Variants in PLA2G4C observed in about 807,000 individuals in gnomAD.
The protein encoded by PLA2G4C is phospholipase A2 group IVC, also known as cytosolic phospholipase A2 gamma.
A neutral mutation model predicts 73.8 loss-of-function variants in PLA2G4C; 64 were observed. That is an observed-to-expected ratio of 0.87 (90% CI 0.71 to 1.07). PLA2G4C has a LOEUF of 1.07. Ranked by LOEUF, PLA2G4C falls within the 50% of genes least tolerant of loss-of-function variation. The pLI is 0.00. For synonymous variants in PLA2G4C, 254 were observed against 252.1 expected, an observed-to-expected ratio of 1.01 and a Z score of -0.07; for missense variants, 622 against 665.4, an observed-to-expected ratio of 0.93 and a Z score of 0.72.
chr19:48,073,307 C>T (rs2029918804), intron 12 of PLA2G4C, among the ~76,000 whole-genome samples: 1 of 152,090 alleles, frequency 6.6e-6, no homozygotes. Context: ...GCCTCAGCCT[C>T]CCAAAGTGCT....
chr19:48,106,137 C>T (rs919423631), intron 2 of PLA2G4C, among the ~76,000 whole-genome samples: 1 of 150,238 alleles, frequency 6.7e-6, no homozygotes, highest in African/African-American at 2.5e-5. Flanking sequence ...ACCACCAGTG[C>T]GGTGGTGCAA....
chr19:48,075,794 T>C (rs894133467), intron 11 of PLA2G4C, among the ~76,000 whole-genome samples: 3 of 152,188 alleles, frequency 2.0e-5, no homozygotes, highest in Non-Finnish European at 4.4e-5. Context: ...TTTGTTGTTG[T>C]TGTTGTTGAG....
intron 12 of PLA2G4C, among the ~76,000 whole-genome samples, chr19:48,068,508 C>A (rs1296435405): frequency 6.6e-6 from 1 of 151,496 alleles, no homozygotes; most frequent in Non-Finnish European, 1.5e-5. Flanking sequence ...GAGAGCGAGA[C>A]CACATCTTTA....
intron 13 of PLA2G4C, 129 bp from the exon 14 acceptor site, chr19:48,062,281 A>G (rs1175739062): frequency 2.7e-6 from 2 of 743,948 alleles, no homozygotes; most frequent in African/African-American, 1.8e-5. Flanking sequence ...GAGGTTGCCA[A>G]CTAGGAGCTG....
At chr19:48,068,557 T>C (rs1010452897) in intron 12 of PLA2G4C, among the ~76,000 whole-genome samples, 3 of 151,702 alleles carry the variant, frequency 2.0e-5, no homozygotes, top group African/African-American at 4.8e-5. Context: ...CTGGGCATAT[T>C]AATGCATGCC....
intron 5 of PLA2G4C, among the ~76,000 whole-genome samples, chr19:48,099,115 A>C (rs972496761): frequency 1.3e-5 from 2 of 151,362 alleles, no homozygotes; most frequent in African/African-American, 2.4e-5. Flanking sequence ...AAAATAATTA[A>C]AAATTAGCCA....
At chr19:48,103,123 T>G (rs2122695694) in intron 4 of PLA2G4C, among the ~76,000 whole-genome samples, 1 of 152,246 alleles carries the variant, frequency 6.6e-6, no homozygotes, top group South Asian at 2.1e-4. Context: ...TCCTCCCACC[T>G]CGACCTCCCA....
rs1968642678 is a variant in PLA2G4C at position 48,071,174 on chromosome 19, A to T, written c.1007-3288T>A. Among the ~76,000 whole-genome samples, 4 of 152,366 alleles carry T rather than the reference A, an allele frequency of 2.6e-5. No individual in the cohort carries two copies. In the South Asian group the frequency reaches 8.3e-4, roughly 32 times the overall value. On this transcript the variant is annotated intron_variant, in intron 12 of 16. Coordinates refer to ENST00000599921, the MANE Select transcript of PLA2G4C (RefSeq NM_003706.3). ...ATCCAGCAAATAGTAGGCACTTAAT[A>T]AATATTAACTTCTACAAGAGTTTAG...
rs1967872753 is a variant in PLA2G4C, at chr19:48,054,874, C to G, written c.1429+4G>C. The G allele has an allele frequency of 6.2e-6, 10 of 1,613,922 alleles. No homozygotes were observed. Among genetic ancestry groups the G allele is most frequent in the Non-Finnish European group, 8.5e-6 (10 of 1,179,896 alleles). On this transcript the variant is annotated splice_donor_region_variant and intron_variant, in intron 15 of 16. Transcript: ENST00000599921. ...CTTCTCACCTGCTCCTCCCCTGCAC[C>G]TACCTCCACAGGCATCTATGTTGAA...
chr19:48,063,970 G>A (rs11880608), intron 13 of PLA2G4C: 23,964 of 151,866 alleles, frequency 0.16, 2,912 homozygotes, highest in African/African-American at 0.34. Context: ...AGAAAGCAAA[G>A]GGGTGAAAGA....
chr19:48,089,430 A>G (rs1001905600), intron 8 of PLA2G4C, among the ~76,000 whole-genome samples: 2 of 152,184 alleles, frequency 1.3e-5, no homozygotes, highest in Non-Finnish European at 2.9e-5. Flanking sequence ...AAAACAAACA[A>G]CAAAAAAAGT....
intron 1 of PLA2G4C, 128 bp downstream of exon 1, chr19:48,110,357 AAT>A: frequency 2.4e-5 from 14 of 594,444 alleles, no homozygotes; most frequent in South Asian, 3.9e-5. Flanking sequence ...AAAAAAAATA[AAT>A]AAATAAATAA....
At chr19:48,063,520 A>G (rs1269228529) in intron 13 of PLA2G4C, among the ~76,000 whole-genome samples, 1 of 151,428 alleles carries the variant, frequency 6.6e-6, no homozygotes, top group Non-Finnish European at 1.5e-5. Context: ...TTCCTTTCAC[A>G]GCGTAAACCA....
rs1178560668 is a variant in PLA2G4C, at chr19:48,064,425, T to C, written c.1103-2273A>G. ...GCCTGGGCAACAAAGAGCAAAACTC[T>C]GTCTCAAAAAAAAAAAAAACCAAAA... On this transcript the variant is annotated intron_variant, in intron 13 of 16. Transcript: ENST00000599921. 5.3e-5 allele frequency among the ~76,000 whole-genome samples: 5 copies of C among 93,536 alleles called. No homozygotes were observed. The Admixed American group carries it at 6.5e-4, about 12-fold the overall frequency. The allele number at this position is 93,536 out of a possible 152,430, so 61.4% of individuals were successfully genotyped here. A position where few individuals can be genotyped will look rare whatever the true frequency, so the allele number is the denominator to read the frequency against.
At chr19:48,095,442 C>A in intron 7 of PLA2G4C, 22 bp downstream of exon 7, 2 of 1,609,172 alleles carry the variant, frequency 1.2e-6, no homozygotes, top group South Asian at 1.1e-5. Context: ...CCCTTTTAAT[C>A]CCCTCTGACC....
intron 12 of PLA2G4C, among the ~76,000 whole-genome samples, chr19:48,068,945 T>C (rs1968554332): frequency 6.7e-6 from 1 of 149,200 alleles, no homozygotes; most frequent in East Asian, 2.0e-4. Flanking sequence ...GCACAGTGAC[T>C]CACATCTGTA....
intron 1 of PLA2G4C, among the ~76,000 whole-genome samples, chr19:48,107,640 C>A (rs2032301202): frequency 6.6e-6 from 1 of 152,188 alleles, no homozygotes; most frequent in African/African-American, 2.4e-5. Flanking sequence ...TTAGGGAAGA[C>A]TCTGCTCCAC....
intron 16 of PLA2G4C, among the ~76,000 whole-genome samples, chr19:48,050,692 T>TTTTTTTTTTTTTTTA (rs1967693959): frequency 4.8e-5 from 7 of 146,442 alleles, no homozygotes; most frequent in Non-Finnish European, 7.5e-5. Flanking sequence ...TTTTTTTTTT[T>TTTTTTTTTTTTTTTA]GAGACAGGGT....
intron 10 of PLA2G4C, among the ~76,000 whole-genome samples, chr19:48,082,048 T>G (rs986946652): frequency 6.6e-6 from 1 of 151,568 alleles, no homozygotes; most frequent in Non-Finnish European, 1.5e-5. Context: ...GCTACTGCAC[T>G]CCAGCCTGGG....
Sources: allele counts gnomAD v4.1 joint callset (sites outside exome capture counted in the v4.1 genomes callset), GRCh38; gene constraint gnomAD v4.1.1; transcripts MANE v1.5; gene names NCBI Gene and HGNC (gene_info 2026-07-23, HGNC 2026-07-21).